PAPPA: variants seen among roughly 807,000 people sequenced by gnomAD.
PAPPA encodes the protein pappalysin 1, also known as pappalysin-1.
Under a neutral mutation model 164.0 loss-of-function variants are expected in PAPPA, and 60 were observed. The observed-to-expected ratio is 0.37, with a 90% confidence interval of 0.30 to 0.45. PAPPA has a LOEUF of 0.45. PAPPA is among the 20% of genes least tolerant of loss of function. The pLI is 1.00. For missense variants in PAPPA, 1,782 were observed against 2,087.3 expected (o/e 0.85, Z 2.85); for synonymous variants, 875 against 814.1 (o/e 1.07, Z -1.27).
intron 10 of PAPPA, among the ~76,000 whole-genome samples, chr9:116,308,068 A>T (rs1184196608): frequency 6.6e-6 from 1 of 152,254 alleles, no homozygotes; most frequent in African/African-American, 2.4e-5. Flanking sequence ...ACAGAAGCTC[A>T]GTCAACATTT....
In PAPPA at chr9:116,258,706, A is replaced by G. The variant is rs73530041; in HGVS notation, c.2733-7151A>G. Among the ~76,000 whole-genome samples the G allele has an allele frequency of 2.2e-3, 330 of 152,356 alleles. 1 individual carries two copies. The highest frequency in any genetic ancestry group is 7.6e-3 in the African/African-American group (314 of 41,586). On this transcript the variant is annotated intron_variant, in intron 7 of 21. Transcript: ENST00000328252. The stretch of plus-strand genomic sequence containing the variant: ...AAAATTATGAAAGTACTGAAATGAT[A>G]TATGGCAAAGGCAGTATTACAATTC...
At chr9:116,355,952 A>C (rs1294528844) in intron 17 of PAPPA, among the ~76,000 whole-genome samples, 2 of 152,180 alleles carry the variant, frequency 1.3e-5, no homozygotes, top group Non-Finnish European at 2.9e-5. Flanking sequence ...CAAATCTAGT[A>C]TTCACCTCAG....
At chr9:116,354,277 C>T (rs1846323002) in intron 17 of PAPPA, among the ~76,000 whole-genome samples, 1 of 152,180 alleles carries the variant, frequency 6.6e-6, no homozygotes, top group South Asian at 2.1e-4. Context: ...CCACATGTAA[C>T]TGAGAACAAG....
At chr9:116,339,471 T>C (rs1846106342) in intron 13 of PAPPA, among the ~76,000 whole-genome samples, 1 of 152,142 alleles carries the variant, frequency 6.6e-6, no homozygotes, top group South Asian at 2.1e-4. Flanking sequence ...AAATCCAGGG[T>C]AAAGAACCTT....
chr9:116,188,334 G>A (rs961312734), intron 2 of PAPPA, 118 bp downstream of exon 2: 12 of 708,188 alleles, frequency 1.7e-5, no homozygotes, highest in Non-Finnish European at 2.6e-5. Flanking sequence ...TCAACCAGCA[G>A]CTTCATGATT....
chr9:116,186,857 C>CA (rs1002750896), intron 1 of PAPPA, among the ~76,000 whole-genome samples: 14 of 152,246 alleles, frequency 9.2e-5, no homozygotes, highest in Admixed American at 1.3e-4. Context: ...TTTCTTCAAA[C>CA]AAAAATCTTT....
Position 116,299,671 on chromosome 9 carries a change from T to C in PAPPA, c.2954-3086T>C, listed in dbSNP as rs139220521. On this transcript the variant is annotated intron_variant, in intron 9 of 21. Coordinates refer to ENST00000328252, the MANE Select transcript of PAPPA (RefSeq NM_002581.5). Reference sequence around the variant, plus strand: ...TTTTCGTCATTCTGTAGCTGTGGCATGTAGGGAGAAGATTTCTCTGCTAGG... The same window carrying C: ...TTTTCGTCATTCTGTAGCTGTGGCACGTAGGGAGAAGATTTCTCTGCTAGG... Among the ~76,000 whole-genome samples the C allele has an allele frequency of 1.2e-3, 190 of 152,270 alleles. 2 individuals are homozygous for C. The highest frequency in any genetic ancestry group is 4.2e-3 in the African/African-American group (175 of 41,566).
At chr9:116,226,527 G>T (rs1844512536) in intron 5 of PAPPA, among the ~76,000 whole-genome samples, 1 of 152,214 alleles carries the variant, frequency 6.6e-6, no homozygotes, top group South Asian at 2.1e-4. Flanking sequence ...AATGGGTTGT[G>T]CTGGGACATT....
intron 19 of PAPPA, among the ~76,000 whole-genome samples, chr9:116,369,746 C>G (rs1846548301): frequency 6.6e-6 from 1 of 151,646 alleles, no homozygotes; most frequent in South Asian, 2.1e-4. Flanking sequence ...CTGCAAGCTG[C>G]CCCCCCTCCC....
intron 9 of PAPPA, among the ~76,000 whole-genome samples, chr9:116,276,292 T>C (rs563549200): frequency 7.9e-5 from 12 of 152,226 alleles, no homozygotes; most frequent in Non-Finnish European, 1.6e-4. Context: ...GGGGTTATAC[T>C]GTGTAATATA....
At chr9:116,240,493 A>G (rs1014588815) in intron 7 of PAPPA, among the ~76,000 whole-genome samples, 1 of 152,220 alleles carries the variant, frequency 6.6e-6, no homozygotes, top group Non-Finnish European at 1.5e-5. Flanking sequence ...GACACAAGGT[A>G]AGCACTGAGA....
Position 116,187,243 on chromosome 9 carries a change from C to A in PAPPA, c.505C>A (p.Arg169Ser). ...CAGTGACCAAGACAACAAAGACCCA[C>A]GCTACTTTTTCTCCTTGAAGACAGA... ...TISDQDNKDP[R>S]YFFSLKTDRA... is the part of the protein sequence containing the mutation. The change falls in exon 2 of 22, where the codon CGC becomes AGC. Residue 169 changes from arginine to serine, a missense_variant. Arg to Ser is a moderately radical substitution (Grantham distance 110). Coordinates refer to ENST00000328252, the MANE Select transcript of PAPPA (RefSeq NM_002581.5). The surrounding 1 kb of genome is among the most constrained non-coding windows in gnomAD (Gnocchi z 4.2). The A allele has an allele frequency of 6.2e-7, 1 of 1,614,130 alleles. No individual in the cohort carries two copies. Among genetic ancestry groups the A allele is most frequent in the Non-Finnish European group, 8.5e-7 (1 of 1,180,012 alleles).
chr9:116,167,189 C>G (rs1843728011), intron 1 of PAPPA, among the ~76,000 whole-genome samples: 3 of 152,088 alleles, frequency 2.0e-5, no homozygotes, highest in South Asian at 4.2e-4. Context: ...GTTCGAGGAC[C>G]AACTCCCTCA....
chr9:116,335,217 G>T, intron 13 of PAPPA, 143 bp downstream of exon 13: 1 of 689,904 alleles, frequency 1.4e-6, no homozygotes, highest in South Asian at 1.8e-5. Context: ...CCTCTGGCCG[G>T]CTCTGCCTTG....
intron 1 of PAPPA, among the ~76,000 whole-genome samples, chr9:116,155,794 A>G (rs767024979): frequency 1.3e-5 from 2 of 152,156 alleles, no homozygotes; most frequent in African/African-American, 2.4e-5. Flanking sequence ...CTCTGCTGCT[A>G]TCCCAAGAAT....
intron 1 of PAPPA, among the ~76,000 whole-genome samples, chr9:116,170,477 G>T (rs983072359): frequency 5.3e-5 from 8 of 152,076 alleles, no homozygotes; most frequent in Admixed American, 6.5e-5. Flanking sequence ...AAGTGGTCCT[G>T]CCCATAAGTA....
chr9:116,392,715 C>T (rs527634511), intron 21 of PAPPA, among the ~76,000 whole-genome samples: 1 of 152,272 alleles, frequency 6.6e-6, no homozygotes, highest in South Asian at 2.1e-4. Context: ...GAAGAAAACA[C>T]CATGTGTCTC....
chr9:116,234,943 A>G (rs183201733), intron 6 of PAPPA, among the ~76,000 whole-genome samples, 196 bp from the exon 7 acceptor site: 1 of 152,232 alleles, frequency 6.6e-6, no homozygotes, highest in Admixed American at 6.5e-5. Context: ...TTCCTCTGAA[A>G]TCTGTATTGC....
intron 21 of PAPPA, 89 bp downstream of exon 21, chr9:116,382,582 C>G: frequency 2.5e-6 from 2 of 807,958 alleles, no homozygotes; most frequent in Non-Finnish European, 4.5e-6. Context: ...CTGGACAACC[C>G]TTGTCCTAAC....
Sources: allele counts gnomAD v4.1 joint callset (sites outside exome capture counted in the v4.1 genomes callset), GRCh38; gene constraint gnomAD v4.1.1; non-coding constraint Gnocchi (gnomAD v3.1); transcripts MANE v1.5; gene names NCBI Gene and HGNC (gene_info 2026-07-23, HGNC 2026-07-21).